The following PEAK1 variants were observed in gnomAD, a reference collection of about 807,000 sequenced individuals.
PEAK1 encodes the protein pseudopodium enriched atypical kinase 1.
A neutral mutation model predicts 124.7 loss-of-function variants in PEAK1; 54 were observed. The observed-to-expected ratio is 0.43, with a 90% CI of 0.35 to 0.54. The LOEUF (loss-of-function observed/expected upper bound fraction) is 0.54. Ranked by LOEUF, PEAK1 falls within the 20% of genes least tolerant of loss-of-function variation. The probability of loss-of-function intolerance (pLI) is 0.01; values close to 1 mark genes in which losing one functional copy is unlikely to be tolerated. For synonymous variants in PEAK1, 719 were observed against 760.0 expected, an observed-to-expected ratio of 0.95 and a Z score of 0.89; for missense variants, 2,046 against 2,134.5, an observed-to-expected ratio of 0.96 and a Z score of 0.82.
intron 2 of PEAK1, among the ~76,000 whole-genome samples, chr15:77,325,059 G>A (rs2065479146): frequency 6.6e-6 from 1 of 152,168 alleles, no homozygotes; most frequent in Admixed American, 6.5e-5. Flanking sequence ...CCCAAGTAGA[G>A]TGAAATATAA....
rs1567136878 is a variant in PEAK1, at chr15:77,225,669, TATA to T, written c.-115+26695_-115+26697del. ...TGTGTGTGTGTGTGTGTATAATTTA[TATA>T]TATATATATATATATATATATATAT... On this transcript the variant is annotated intron_variant, in intron 6 of 9. Coordinates refer to ENST00000682557, the MANE Select transcript of PEAK1 (RefSeq NM_001385026.1). Among the ~76,000 whole-genome samples, 198 of 110,734 alleles carry T rather than the reference TATA, an allele frequency of 1.8e-3. 2 individuals are homozygous for T. The highest frequency in any genetic ancestry group is 8.5e-3 in the African/African-American group (181 of 21,396). The allele number at this position is 110,734 out of a possible 152,430, so 72.6% of individuals were successfully genotyped here.
intron 2 of PEAK1, among the ~76,000 whole-genome samples, chr15:77,344,624 C>T (rs1301805189): frequency 6.6e-6 from 1 of 152,174 alleles, no homozygotes; most frequent in Non-Finnish European, 1.5e-5. Context: ...TGATAGGGAT[C>T]TAATTGAATC....
At chr15:77,415,416 G>C (rs2072793749) in intron 1 of PEAK1, among the ~76,000 whole-genome samples, 1 of 151,956 alleles carries the variant, frequency 6.6e-6, no homozygotes, top group Non-Finnish European at 1.5e-5. Context: ...ATTTTACCTG[G>C]CTTTTTTGTT....
intron 1 of PEAK1, chr15:77,371,031 A>C (rs1370903111): frequency 1.4e-6 from 1 of 721,612 alleles, no homozygotes; most frequent in Non-Finnish European, 1.7e-6. Flanking sequence ...TCCGTCTCAA[A>C]AAAAAAAAAA....
At chr15:77,211,825 G>C (rs2058920253) in intron 6 of PEAK1, among the ~76,000 whole-genome samples, 1 of 118,738 alleles carries the variant, frequency 8.4e-6, no homozygotes, top group East Asian at 2.5e-4. Flanking sequence ...TCCAGCCTGG[G>C]AGAAAAGAGC....
chr15:77,298,677 G>T (rs1050589101), intron 2 of PEAK1, among the ~76,000 whole-genome samples: 1 of 152,146 alleles, frequency 6.6e-6, no homozygotes, highest in South Asian at 2.1e-4. Context: ...GCCTTGAGAT[G>T]TCAAGGATCA....
chr15:77,354,081 T>G (rs2067357523), intron 2 of PEAK1, among the ~76,000 whole-genome samples: 1 of 151,926 alleles, frequency 6.6e-6, no homozygotes, highest in South Asian at 2.1e-4. Context: ...CCTCAAAAAC[T>G]CTCTCTCCCT....
chr15:77,339,812 T>A (rs919475954), intron 2 of PEAK1, among the ~76,000 whole-genome samples: 5 of 152,106 alleles, frequency 3.3e-5, no homozygotes, highest in Non-Finnish European at 7.4e-5. Context: ...AAGAAAACAA[T>A]CTGATTAAAA....
At chr15:77,194,105 T>G (rs949351279) in intron 6 of PEAK1, among the ~76,000 whole-genome samples, 9 of 152,154 alleles carry the variant, frequency 5.9e-5, no homozygotes, top group Non-Finnish European at 1.0e-4. Context: ...TAACAGTAAA[T>G]GGTATCAAAA....
chr15:77,249,867 G>C (rs967748124), intron 6 of PEAK1, among the ~76,000 whole-genome samples: 2 of 151,962 alleles, frequency 1.3e-5, no homozygotes, highest in Admixed American at 6.6e-5. Flanking sequence ...ATCAATAACA[G>C]AGAGACAGGG....
At chr15:77,234,108 C>T (rs1329142336) in intron 6 of PEAK1, among the ~76,000 whole-genome samples, 1 of 152,172 alleles carries the variant, frequency 6.6e-6, no homozygotes, top group Non-Finnish European at 1.5e-5. Flanking sequence ...TTGAGTGATT[C>T]TCCCATCTCA....
chr15:77,261,190 C>G (rs2061420323), intron 5 of PEAK1, among the ~76,000 whole-genome samples: 1 of 152,178 alleles, frequency 6.6e-6, no homozygotes, highest in Non-Finnish European at 1.5e-5. Context: ...AGCAGAAACA[C>G]TGAAAATTCT....
chr15:77,298,358 A>T (rs1310079277), intron 2 of PEAK1, among the ~76,000 whole-genome samples: 1 of 150,616 alleles, frequency 6.6e-6, no homozygotes, highest in Non-Finnish European at 1.5e-5. Context: ...AGCTGGGACT[A>T]CAGGCGCCCG....
chr15:77,373,077 G>A (rs2141707260), intron 1 of PEAK1, among the ~76,000 whole-genome samples: 1 of 152,214 alleles, frequency 6.6e-6, no homozygotes, highest in East Asian at 1.9e-4. Context: ...TATCAAAAAT[G>A]GAGCAATTTC....
intron 9 of PEAK1, among the ~76,000 whole-genome samples, chr15:77,118,182 G>A (rs969025037): frequency 6.6e-6 from 1 of 152,178 alleles, no homozygotes; most frequent in African/African-American, 2.4e-5. Flanking sequence ...AAAGGCAAAA[G>A]GGAGAAGACT....
intron 1 of PEAK1, among the ~76,000 whole-genome samples, chr15:77,389,397 C>A (rs2070259019): frequency 6.6e-6 from 1 of 152,126 alleles, no homozygotes; most frequent in Non-Finnish European, 1.5e-5. Context: ...GGTGTGCAAC[C>A]TTAGGCAAAT....
chr15:77,278,494 T>C (rs2062461184), intron 5 of PEAK1: 6 of 495,718 alleles, frequency 1.2e-5, no homozygotes, highest in Admixed American at 8.5e-5. Flanking sequence ...AAGGGGATGC[T>C]AAAGGAGATA....
At chr15:77,364,746 G>A (rs2068109679) in intron 2 of PEAK1, among the ~76,000 whole-genome samples, 1 of 152,190 alleles carries the variant, frequency 6.6e-6, no homozygotes, top group South Asian at 2.1e-4. Context: ...ACTACAGAAA[G>A]TCATCAAGTC....
intron 8 of PEAK1, among the ~76,000 whole-genome samples, chr15:77,147,491 G>A (rs767335404): frequency 1.3e-5 from 2 of 152,064 alleles, no homozygotes; most frequent in African/African-American, 2.4e-5. Flanking sequence ...CCTGATTTTC[G>A]CAGTCTGATA....
Sources: gnomAD v4.1 joint callset for allele counts (sites outside exome capture counted in the v4.1 genomes callset) on GRCh38, gnomAD v4.1.1 for gene constraint, MANE v1.5 for transcripts, NCBI Gene and HGNC (gene_info 2026-07-23, HGNC 2026-07-21) for gene names.